SERPINB8: variants seen among roughly 807,000 people sequenced by gnomAD.
The protein encoded by SERPINB8 is serpin family B member 8.
SERPINB8 carries 25 observed loss-of-function variants against 35.3 expected under a neutral mutation model. The ratio of observed to expected loss-of-function variants is 0.71; its 90% CI spans 0.52 to 0.99. The LOEUF is 0.99. Among genes scored for constraint, SERPINB8 ranks in the 50% least tolerant of loss-of-function variants. The pLI is 0.00. For missense variants in SERPINB8, 484 were observed against 446.5 expected (o/e 1.08, Z -0.76); for synonymous variants, 186 against 160.8 (o/e 1.16, Z -1.19).
intron 2 of SERPINB8, 130 bp from the exon 3 acceptor site, chr18:63,979,671 A>C: frequency 9.2e-7 from 1 of 1,084,258 alleles, no homozygotes; most frequent in Non-Finnish European, 1.4e-6. Flanking sequence ...ACCCTGTGCT[A>C]GACAATTAGG....
intron 1 of SERPINB8, among the ~76,000 whole-genome samples, chr18:63,973,985 C>T (rs1016295424): frequency 1.3e-5 from 2 of 152,052 alleles, no homozygotes; most frequent in Non-Finnish European, 2.9e-5. Flanking sequence ...TTTTTGGTTC[C>T]ATATGAACTT....
At chr18:64,016,495 T>C (rs757743076) in intron 7 of SERPINB8, among the ~76,000 whole-genome samples, 3 of 152,156 alleles carry the variant, frequency 2.0e-5, no homozygotes, top group Admixed American at 6.6e-5. Flanking sequence ...AAAATCAACA[T>C]GGGAGGAAGA....
intron 1 of SERPINB8, among the ~76,000 whole-genome samples, chr18:63,996,683 C>T (rs1194221733): frequency 1.3e-5 from 2 of 152,194 alleles, no homozygotes; most frequent in Admixed American, 1.3e-4. Context: ...GGACTAGGTG[C>T]TTGAGGACTG....
At chr18:64,006,522 C>G (rs1405593429), downstream of SERPINB8, among the ~76,000 whole-genome samples, 1 of 152,132 alleles carries the variant, frequency 6.6e-6, no homozygotes, top group Non-Finnish European at 1.5e-5. Flanking sequence ...AGAGGGTCCT[C>G]TCTAGAACCC....
chr18:63,982,881 T>C (rs549615010), intron 4 of SERPINB8, among the ~76,000 whole-genome samples: 1 of 152,148 alleles, frequency 6.6e-6, no homozygotes, highest in South Asian at 2.1e-4. Flanking sequence ...ATTGGACAAC[T>C]CAATTTGGGC....
chr18:63,973,890 C>G (rs1333384252), intron 1 of SERPINB8, among the ~76,000 whole-genome samples: 1 of 152,186 alleles, frequency 6.6e-6, no homozygotes, highest in Non-Finnish European at 1.5e-5. Context: ...GTTACTGAAG[C>G]CTTGTAGTGT....
At chr18:63,989,942 C>CAAAAAA (rs1161052778), downstream of SERPINB8, among the ~76,000 whole-genome samples, 1 of 27,860 alleles carries the variant, frequency 3.6e-5, no homozygotes, top group African/African-American at 1.1e-4. Context: ...GACTCTGTCT[C>CAAAAAA]AAAAAAAAAA....
chr18:64,012,815 C>T (rs1224356538), intron 7 of SERPINB8, among the ~76,000 whole-genome samples: 1 of 152,090 alleles, frequency 6.6e-6, no homozygotes, highest in African/African-American at 2.4e-5. Context: ...TTTACGTAAT[C>T]TCTACTGCTG....
At chr18:63,972,689 T>C (rs1173836266) in intron 1 of SERPINB8, among the ~76,000 whole-genome samples, 7 of 139,816 alleles carry the variant, frequency 5.0e-5, no homozygotes, top group Non-Finnish European at 7.7e-5. Context: ...CCACCCTATG[T>C]CCAAGTGTTT....
downstream of SERPINB8, among the ~76,000 whole-genome samples, chr18:63,994,049 C>G (rs2050836989): frequency 1.3e-5 from 2 of 152,054 alleles, no homozygotes; most frequent in African/African-American, 4.8e-5. Context: ...GTCCATCCTT[C>G]CCCCATCCCA....
At position 63,987,156 on chromosome 18, in the gene SERPINB8, G is replaced by A. The variant is rs776727128; in HGVS notation, c.1003G>A (p.Val335Ile). Residue 335 changes from valine to isoleucine, a missense_variant, in exon 7 of 7, where the codon GTC becomes ATC. Val to Ile is a conservative substitution (Grantham distance 29). Transcript: ENST00000397985. ...AGAGGCTGCCGCAGCCACTGCTGTG[G>A]TCAGGAATTCCCGGTGCAGCAGAAT... ...GTEAAAATAVVRNSRCSRMEP... is the reference protein window; with the variant it reads ...GTEAAAATAVIRNSRCSRMEP... 2.8e-5 allele frequency: 45 copies of A among 1,614,086 alleles called. 1 individual carries two copies. In the South Asian group the frequency reaches 4.5e-4, roughly 16 times the overall value.
chr18:63,982,923 C>G (rs1384844524), intron 4 of SERPINB8, among the ~76,000 whole-genome samples: 1 of 151,762 alleles, frequency 6.6e-6, no homozygotes, highest in Non-Finnish European at 1.5e-5. Context: ...TTCCTTTGCC[C>G]CATTCACCCC....
chr18:63,979,258 T>G (rs2050631261), intron 2 of SERPINB8, among the ~76,000 whole-genome samples: 1 of 152,234 alleles, frequency 6.6e-6, no homozygotes, highest in Admixed American at 6.5e-5. Context: ...ACTTGACATT[T>G]AATTTATAAT....
intron 1 of SERPINB8, among the ~76,000 whole-genome samples, chr18:63,971,113 C>T (rs904089759): frequency 6.6e-6 from 1 of 152,126 alleles, no homozygotes; most frequent in Non-Finnish European, 1.5e-5. Flanking sequence ...AGACTCGTCT[C>T]CCCAGTTCTC....
chr18:63,973,452 T>C (rs2050526396), intron 1 of SERPINB8, among the ~76,000 whole-genome samples: 1 of 152,248 alleles, frequency 6.6e-6, no homozygotes, highest in Admixed American at 6.5e-5. Flanking sequence ...GCCTGTTTAC[T>C]CTGATGGTAG....
At chr18:64,008,408 A>AT (rs538505270), downstream of SERPINB8, among the ~76,000 whole-genome samples, 196 of 145,390 alleles carry the variant, frequency 1.3e-3, 1 homozygote, top group African/African-American at 3.8e-3. Flanking sequence ...ACGCGGGCTA[A>AT]TTTTTTTTTT....
chr18:64,014,705 C>T (rs577310602), intron 7 of SERPINB8, among the ~76,000 whole-genome samples: 9 of 152,262 alleles, frequency 5.9e-5, no homozygotes, highest in African/African-American at 2.2e-4. Flanking sequence ...TTCAGATTAT[C>T]TTTTTTCTGA....
At chr18:63,985,282 T>G (rs749019313) in intron 6 of SERPINB8, 37 bp downstream of exon 6, 2 of 1,606,878 alleles carry the variant, frequency 1.2e-6, no homozygotes, top group Non-Finnish European at 1.7e-6. Flanking sequence ...ATCTGTGGAG[T>G]CCAGCTGAGC....
In SERPINB8 at chr18:63,970,139, G is replaced by GGCGGCGGCGGCGGCGGCGGCA. The variant is rs757667727; in HGVS notation, c.-31_-30insGGCGGCGGCAGCGGCGGCGGC. The GGCGGCGGCGGCGGCGGCGGCA allele has an allele frequency of 5.5e-6, 2 of 365,924 alleles. 1 individual carries two copies. Among genetic ancestry groups the GGCGGCGGCGGCGGCGGCGGCA allele is most frequent in the Non-Finnish European group, 1.1e-5 (2 of 185,670 alleles). The allele number at this position is 365,924 out of a possible 1,614,324, so 22.7% of individuals were successfully genotyped here. ...GAATAGTCAAAGCAGCAGCGGCGGC[G>GGCGGCGGCGGCGGCGGCGGCA]GCGGCGGCGGCAGCAGCAGCAGCAG... is the stretch of plus-strand genomic sequence containing the variant. On this transcript the variant is annotated 5_prime_UTR_variant, in exon 1 of 7. Coordinates refer to ENST00000397985, the MANE Select transcript of SERPINB8 (RefSeq NM_002640.4).
Sources: allele counts gnomAD v4.1 joint callset (sites outside exome capture counted in the v4.1 genomes callset), GRCh38; gene constraint gnomAD v4.1.1; transcripts MANE v1.5; gene names NCBI Gene and HGNC (gene_info 2026-07-23, HGNC 2026-07-21).